ZNF462: variants seen among roughly 807,000 people sequenced by gnomAD.
ZNF462 encodes zinc finger PBX1-interacting protein.
In ZNF462, 10 loss-of-function variants were observed where a neutral mutation model predicts 201.9. The ratio of observed to expected loss-of-function variants is 0.05; its 90% CI spans 0.03 to 0.08. ZNF462 has a LOEUF of 0.08. ZNF462 is among the 10% of genes least tolerant of loss of function. The pLI, the probability that ZNF462 is intolerant of heterozygous loss-of-function variation, is 1.00. For missense variants in ZNF462, 2,523 were observed against 3,168.3 expected (o/e 0.80, Z 4.89); for synonymous variants, 1,227 against 1,193.3 (o/e 1.03, Z -0.58).
rs919969015 is a variant in ZNF462 at position 106,993,582 on chromosome 9, G to A, written c.7056+9173G>A. Among the ~76,000 whole-genome samples, 2 of 151,756 alleles carry A rather than the reference G, an allele frequency of 1.3e-5. No individual in the cohort carries two copies. The highest frequency in any genetic ancestry group is 4.8e-5 in the African/African-American group (2 of 41,296). On this transcript the variant is annotated intron_variant, in intron 10 of 12. Coordinates refer to ENST00000277225, the MANE Select transcript of ZNF462 (RefSeq NM_021224.6). The surrounding 1 kb of genome is among the most constrained non-coding windows in gnomAD (Gnocchi z 4.0). Reference sequence around the variant, plus strand: ...TTAATCTCAGTGGGTCCTCTAGAAGGTTGACTAGTGTAGTCTCTCCCTCCT... The same window carrying A: ...TTAATCTCAGTGGGTCCTCTAGAAGATTGACTAGTGTAGTCTCTCCCTCCT...
Position 106,913,197 on chromosome 9 carries a change from A to G in ZNF462, c.-30-10157A>G, listed in dbSNP as rs149449364. On this transcript the variant is annotated intron_variant, in intron 1 of 12. Transcript: ENST00000277225. This position sits in a 1 kb window ranked among gnomAD's most constrained non-coding sequence, Gnocchi z 4.1. ...AGTGGAAACTTAGAATTGCCAGTGGAGACTTAGAATTACTAGTGTCTCAGT... is the reference window on the plus strand; with the variant it reads ...AGTGGAAACTTAGAATTGCCAGTGGGGACTTAGAATTACTAGTGTCTCAGT... 2.0e-5 allele frequency among the ~76,000 whole-genome samples: 3 copies of G among 152,312 alleles called. No individual in the cohort carries two copies. The East Asian group carries it at 5.8e-4, about 29-fold the overall frequency.
intron 10 of ZNF462, among the ~76,000 whole-genome samples, chr9:106,994,015 A>G (rs984985193): frequency 6.6e-5 from 10 of 152,150 alleles, no homozygotes; most frequent in Admixed American, 2.0e-4. Flanking sequence ...TTTATATGCA[A>G]TACCTTGTTA....
Position 106,864,073 on chromosome 9 carries a change from T to G in ZNF462, c.-31+718T>G, listed in dbSNP as rs924994184. 6.8e-3 allele frequency among the ~76,000 whole-genome samples: 890 copies of G among 130,344 alleles called. 42 individuals are homozygous for G. The highest frequency in any genetic ancestry group is 0.025 in the African/African-American group (834 of 33,724). 85.5% of individuals were successfully genotyped at this position (130,344 alleles called of 152,430 possible). ...CTCTCTCTCTCTCTCTCTCTCTCTC[T>G]CTCTCTCTCTCTCTCTCTCTCTCTC... On this transcript the variant is annotated intron_variant, in intron 1 of 12. Coordinates refer to ENST00000277225, the MANE Select transcript of ZNF462 (RefSeq NM_021224.6).
rs1827430328 is a variant in ZNF462, at chr9:106,981,532, G to A, written c.6833-2654G>A. Among the ~76,000 whole-genome samples the A allele has an allele frequency of 6.6e-6, 1 of 152,190 alleles. No individual in the cohort carries two copies. Among genetic ancestry groups the A allele is most frequent in the African/African-American group, 2.4e-5 (1 of 41,448 alleles). ...GAACTGACTTTGCAGGGTGTTATGA[G>A]AACAAAAAGTTATGTCAAGGGTAGA... is the stretch of plus-strand genomic sequence containing the variant. On this transcript the variant is annotated intron_variant, in intron 9 of 12. Transcript: ENST00000277225. This position sits in a 1 kb window ranked among gnomAD's most constrained non-coding sequence, Gnocchi z 4.0.
At position 106,984,481 on chromosome 9, in the gene ZNF462, A is replaced by G; in HGVS notation, c.7056+72A>G. The G allele has an allele frequency of 1.2e-5, 15 of 1,233,080 alleles. No homozygotes were observed. The highest frequency in any genetic ancestry group is 1.7e-5 in the Non-Finnish European group (15 of 871,048). The allele number at this position is 1,233,080 out of a possible 1,614,324, so 76.4% of individuals were successfully genotyped here. A position where few individuals can be genotyped will look rare whatever the true frequency, so the allele number is the denominator to read the frequency against. ...GGGGCCAAGGGGGAGACACCACTGC[A>G]TTTAGTCACGACCACTGTGTACCAG... is the stretch of plus-strand genomic sequence containing the variant. On this transcript the variant is annotated intron_variant, in intron 10 of 12. Coordinates refer to ENST00000277225, the MANE Select transcript of ZNF462 (RefSeq NM_021224.6). This position sits in a 1 kb window ranked among gnomAD's most constrained non-coding sequence, Gnocchi z 6.4.
Position 106,917,431 on chromosome 9 carries a change from C to G in ZNF462, c.-30-5923C>G, listed in dbSNP as rs1259984943. On this transcript the variant is annotated intron_variant, in intron 1 of 12. Transcript: ENST00000277225. The surrounding 1 kb of genome is among the most constrained non-coding windows in gnomAD (Gnocchi z 4.5). ...CTTTGTGCTTATATACAAGGTCCCACAGATGGACCAGGCCAACTGTATACA... is the reference window on the plus strand; with the variant it reads ...CTTTGTGCTTATATACAAGGTCCCAGAGATGGACCAGGCCAACTGTATACA... Among the ~76,000 whole-genome samples the G allele has an allele frequency of 2.6e-5, 4 of 152,190 alleles. No individual in the cohort carries two copies. Among genetic ancestry groups the G allele is most frequent in the African/African-American group, 7.2e-5 (3 of 41,440 alleles).
rs1830492878 is a variant in ZNF462 at position 106,933,187 on chromosome 9, GA to G, written c.6116+639del. The G allele has an allele frequency of 6.4e-6, 1 of 155,440 alleles. No individual in the cohort carries two copies. Among genetic ancestry groups the G allele is most frequent in the Non-Finnish European group, 1.4e-5 (1 of 70,024 alleles). 9.6% of individuals were successfully genotyped at this position (155,440 alleles called of 1,614,324 possible). A position where few individuals can be genotyped will look rare whatever the true frequency, so the allele number is the denominator to read the frequency against. ...CTTTCTCTTTCAGCCGTGTAAAAGA[GA>G]GATAAATATTCAATAATGCGTTTGG... On this transcript the variant is annotated intron_variant, in intron 5 of 12. Coordinates refer to ENST00000277225, the MANE Select transcript of ZNF462 (RefSeq NM_021224.6). This position sits in a 1 kb window ranked among gnomAD's most constrained non-coding sequence, Gnocchi z 4.3.
chr9:106,931,201 T>C (rs1809674918), intron 4 of ZNF462, among the ~76,000 whole-genome samples: 1 of 152,140 alleles, frequency 6.6e-6, no homozygotes, highest in Middle Eastern at 3.2e-3. Flanking sequence ...CAAGTCGCAA[T>C]TGACCCTGAA....
At chr9:106,961,910 C>T (rs963529817) in intron 7 of ZNF462, among the ~76,000 whole-genome samples, 3 of 151,780 alleles carry the variant, frequency 2.0e-5, no homozygotes, top group African/African-American at 7.3e-5. Flanking sequence ...CAAGAATATA[C>T]AACAATGCAG....
Position 107,005,521 on chromosome 9 carries a change from G to T in ZNF462, c.7189+2095G>T, listed in dbSNP as rs1356262944. ...ATTTGTATGTCTTCTTTTGAGAAAT[G>T]TCTACTCAGATAGATGATTTTCTGT... On this transcript the variant is annotated intron_variant, in intron 11 of 12. Coordinates refer to ENST00000277225, the MANE Select transcript of ZNF462 (RefSeq NM_021224.6). The surrounding 1 kb of genome is among the most constrained non-coding windows in gnomAD (Gnocchi z 4.4). Among the ~76,000 whole-genome samples the T allele has an allele frequency of 6.6e-6, 1 of 152,130 alleles. No homozygotes were observed. The highest frequency in any genetic ancestry group is 1.5e-5 in the Non-Finnish European group (1 of 68,010).
At chr9:106,946,238 G>C (rs949381211) in intron 7 of ZNF462, among the ~76,000 whole-genome samples, 4 of 152,184 alleles carry the variant, frequency 2.6e-5, no homozygotes, top group African/African-American at 9.6e-5. Flanking sequence ...ATTACTTCAA[G>C]TCTTCCAGAC....
At chr9:106,955,967 A>G (rs1189866674) in intron 7 of ZNF462, among the ~76,000 whole-genome samples, 5 of 152,120 alleles carry the variant, frequency 3.3e-5, no homozygotes, top group African/African-American at 9.7e-5. Flanking sequence ...TAAACCCCTC[A>G]AAGTCATCCA....
upstream of ZNF462, chr9:106,863,047 G>A (rs1006349163): frequency 2.5e-6 from 1 of 396,052 alleles, no homozygotes; most frequent in African/African-American, 2.1e-5. Flanking sequence ...GCGAGGGAGA[G>A]GGAGGAGAGG....
chr9:106,938,048 C>T lies in ZNF462; in HGVS notation c.6236-868C>T, dbSNP rs1343488191. Among the ~76,000 whole-genome samples, 1 of 152,178 alleles carries T rather than the reference C, an allele frequency of 6.6e-6. No homozygotes were observed. The highest frequency in any genetic ancestry group is 1.5e-5 in the Non-Finnish European group (1 of 68,014). ...ATATGTCCAACAATTTAAGCCTGCCCACTTCACACTCTTAGTTCTTAAAAT... is the reference window on the plus strand; with the variant it reads ...ATATGTCCAACAATTTAAGCCTGCCTACTTCACACTCTTAGTTCTTAAAAT... On this transcript the variant is annotated intron_variant, in intron 6 of 12. Coordinates refer to ENST00000277225, the MANE Select transcript of ZNF462 (RefSeq NM_021224.6). The surrounding 1 kb of genome is among the most constrained non-coding windows in gnomAD (Gnocchi z 4.4).
chr9:107,000,333 C>G (rs758274889), intron 10 of ZNF462, among the ~76,000 whole-genome samples: 1 of 151,756 alleles, frequency 6.6e-6, no homozygotes, highest in Non-Finnish European at 1.5e-5. Flanking sequence ...AAGAGACTTA[C>G]ATTTTGTTAA....
At chr9:106,882,796 C>G (rs1290612331) in intron 1 of ZNF462, among the ~76,000 whole-genome samples, 1 of 152,102 alleles carries the variant, frequency 6.6e-6, no homozygotes, top group African/African-American at 2.4e-5. Context: ...AGGTCTTTTT[C>G]CAAGACTTTC....
chr9:106,986,976 C>CACAG (rs1554716064), intron 10 of ZNF462, among the ~76,000 whole-genome samples: 11 of 143,452 alleles, frequency 7.7e-5, no homozygotes, highest in African/African-American at 2.6e-4. Context: ...AGTATTCCAT[C>CACAG]ATAGATAGAT....
rs964125129 is a variant in ZNF462 at position 106,883,515 on chromosome 9, C to G, written c.-31+20160C>G. Among the ~76,000 whole-genome samples, 2 of 152,114 alleles carry G rather than the reference C, an allele frequency of 1.3e-5. No individual in the cohort carries two copies. The highest frequency in any genetic ancestry group is 6.5e-5 in the Admixed American group (1 of 15,280). Reference sequence around the variant, plus strand: ...AGGAGTTGCATTTTCCCCAGAATACCGTATACATAAGGCCTGCGTCATTAG... The same window carrying G: ...AGGAGTTGCATTTTCCCCAGAATACGGTATACATAAGGCCTGCGTCATTAG... On this transcript the variant is annotated intron_variant, in intron 1 of 12. Transcript: ENST00000277225. This position sits in a 1 kb window ranked among gnomAD's most constrained non-coding sequence, Gnocchi z 4.9.
At chr9:106,945,051 G>T (rs1218561114) in intron 7 of ZNF462, among the ~76,000 whole-genome samples, 2 of 152,104 alleles carry the variant, frequency 1.3e-5, no homozygotes, top group Non-Finnish European at 2.9e-5. Flanking sequence ...TAGATGAGAT[G>T]ATTGGGGGGA....
Sources: allele counts gnomAD v4.1 joint callset (sites outside exome capture counted in the v4.1 genomes callset), GRCh38; gene constraint gnomAD v4.1.1; non-coding constraint Gnocchi (gnomAD v3.1); transcripts MANE v1.5; gene names NCBI Gene and HGNC (gene_info 2026-07-23, HGNC 2026-07-21).